PDK4: variants seen among roughly 807,000 people sequenced by gnomAD.
PDK4 encodes pyruvate dehydrogenase kinase 4.
Under a neutral mutation model 51.7 loss-of-function variants are expected in PDK4, and 43 were observed. That is an observed-to-expected ratio of 0.83 (90% CI 0.65 to 1.07). The LOEUF (loss-of-function observed/expected upper bound fraction) is 1.07, where lower values mean the gene tolerates loss of function less well. PDK4 is among the 50% of genes least tolerant of loss of function. PDK4 has a pLI of 0.00. For synonymous variants in PDK4, 170 were observed against 176.6 expected, an observed-to-expected ratio of 0.96 and a Z score of 0.30; for missense variants, 498 against 503.5, an observed-to-expected ratio of 0.99 and a Z score of 0.10.
intron 3 of PDK4, 95 bp downstream of exon 3, chr7:95,593,604 A>G: frequency 1.6e-6 from 1 of 642,638 alleles, no homozygotes; most frequent in Non-Finnish European, 2.8e-6. Context: ...TATTATTCAG[A>G]GCTGAATTCC....
intron 10 of PDK4, 114 bp downstream of exon 10, chr7:95,586,896 G>A: frequency 3.2e-6 from 2 of 626,132 alleles, no homozygotes; most frequent in Non-Finnish European, 5.8e-6. Flanking sequence ...ATGACCTGTA[G>A]TCATTATTTG....
Position 95,593,777 on chromosome 7 carries a change from A to G in PDK4, c.273-7T>C. Reference sequence around the variant, plus strand: ...CATCAGGCTCTGTATATACCTGTAAAGAAACAGGTATGCTTTAAGTTTTAA... The same window carrying G: ...CATCAGGCTCTGTATATACCTGTAAGGAAACAGGTATGCTTTAAGTTTTAA... On this transcript the variant is annotated splice_region_variant and splice_polypyrimidine_tract_variant and intron_variant, in intron 2 of 10. Transcript: ENST00000005178. 1 of 1,370,208 alleles carries G rather than the reference A, an allele frequency of 7.3e-7. No homozygotes were observed. Among genetic ancestry groups the G allele is most frequent in the Non-Finnish European group, 1.0e-6 (1 of 968,770 alleles). 84.9% of individuals were successfully genotyped at this position (1,370,208 alleles called of 1,614,324 possible).
At chr7:95,585,889 C>T (rs1458884594) in intron 10 of PDK4, 108 bp from the exon 11 acceptor site, 1 of 892,628 alleles carries the variant, frequency 1.1e-6, no homozygotes. Context: ...TCCAAACATT[C>T]AAATACATTC....
Position 95,592,862 on chromosome 7 carries a change from C to T in PDK4, c.427G>A (p.Asp143Asn), listed in dbSNP as rs1395597514. Residue 143 changes from aspartate to asparagine, a missense_variant, in exon 4 of 11, where the codon GAT (aspartate) becomes AAT (asparagine). Asp to Asn is a conservative substitution (Grantham distance 23). Coordinates refer to ENST00000005178, the MANE Select transcript of PDK4 (RefSeq NM_002612.4). ...GTGACTGGGTCAACTGTACAGGCAT[C>T]TTTATACTCTATGATTCCTTGTGCC... ...TMAQGIIEYK[D>N]ACTVDPVTNQ... is the part of the protein sequence containing the mutation. 6.2e-7 allele frequency: 1 copy of T among 1,611,946 alleles called. No homozygotes were observed. The highest frequency in any genetic ancestry group is 8.5e-7 in the Non-Finnish European group (1 of 1,178,286).
chr7:95,592,739 G>T (rs547433830), intron 4 of PDK4, 21 bp downstream of exon 4: 44 of 1,588,776 alleles, frequency 2.8e-5, no homozygotes, highest in Non-Finnish European at 3.5e-5. Context: ...TATATACCAT[G>T]ATCATGATGA....
At chr7:95,591,763 T>C (rs1791555024) in intron 6 of PDK4, among the ~76,000 whole-genome samples, 1 of 152,212 alleles carries the variant, frequency 6.6e-6, no homozygotes, top group African/African-American at 2.4e-5. Context: ...ATATTATTTG[T>C]TCAAAACATT....
At chr7:95,594,391 T>C (rs1043313558) in intron 2 of PDK4, among the ~76,000 whole-genome samples, 1 of 152,136 alleles carries the variant, frequency 6.6e-6, no homozygotes, top group Non-Finnish European at 1.5e-5. Flanking sequence ...AACTGACACT[T>C]ACTGACTGCT....
Position 95,585,781 on chromosome 7 carries a change from C to T in PDK4, c.1096G>A (p.Ala366Thr). Residue 366 changes from alanine (A) to threonine (T), a missense_variant and splice_region_variant, in exon 11 of 11, where the codon GCT becomes ACT. Ala to Thr is a moderately conservative substitution (Grantham distance 58). Transcript: ENST00000005178. ...TTTTCTATAGACTCAGAAGACAAAG[C>T]CTAAAAGAAAAGGGGGGAAAAACAT... ...YGTDAIIYLK[A>T]LSSESIEKLP... is the part of the protein sequence containing the mutation. The T allele has an allele frequency of 6.4e-7, 1 of 1,573,466 alleles. No individual in the cohort carries two copies. The highest frequency in any genetic ancestry group is 1.2e-5 in the South Asian group (1 of 86,146).
chr7:95,596,289 T>C lies in PDK4; in HGVS notation c.5A>G (p.Lys2Arg). M[K>R]AARFVLRSAG... is the part of the protein sequence containing the mutation. Reference sequence around the variant, plus strand: ...GCTGCGCAGCACGAAGCGGGCCGCCTTCATCTTGACGCCCACCCGGCCTGG... The same window carrying C: ...GCTGCGCAGCACGAAGCGGGCCGCCCTCATCTTGACGCCCACCCGGCCTGG... Residue 2 changes from lysine to arginine, a missense_variant, in exon 1 of 11, where the codon AAG (lysine) becomes AGG (arginine). Physicochemically the swap from Lys to Arg is conservative, Grantham distance 26 (BLOSUM62 2). Transcript: ENST00000005178. 6.4e-7 allele frequency: 1 copy of C among 1,572,036 alleles called. No homozygotes were observed.
Position 95,585,605 on chromosome 7 carries a change from C to A in PDK4, c.*36G>T. ...TCAGGAAGCAGCACTGGTGTAGACC[C>A]ACTTTGATCCCGTAAAGTGTCCTGA... On this transcript the variant is annotated 3_prime_UTR_variant, in exon 11 of 11. Transcript: ENST00000005178. The A allele has an allele frequency of 6.4e-7, 1 of 1,571,532 alleles. No individual in the cohort carries two copies. Among genetic ancestry groups the A allele is most frequent in the Non-Finnish European group, 8.7e-7 (1 of 1,150,210 alleles).
intron 3 of PDK4, 121 bp from the exon 4 acceptor site, chr7:95,593,065 A>G (rs887109934): frequency 3.6e-6 from 2 of 548,700 alleles, no homozygotes; most frequent in African/African-American, 1.9e-5. Context: ...AAATCAAATG[A>G]TAAAACATTA....
intron 2 of PDK4, 98 bp from the exon 3 acceptor site, chr7:95,593,868 G>A: frequency 1.9e-6 from 1 of 520,532 alleles, no homozygotes; most frequent in South Asian, 3.5e-5. Context: ...AAAAGAGAAA[G>A]TAAGCATTAT....
At chr7:95,590,717 A>G (rs538126519) in intron 6 of PDK4, among the ~76,000 whole-genome samples, 3 of 152,242 alleles carry the variant, frequency 2.0e-5, no homozygotes, top group Non-Finnish European at 4.4e-5. Context: ...AACTGTCACC[A>G]TAAACAAAAA....
In PDK4 at chr7:95,585,500, T is replaced by A. The variant is rs1284422827; in HGVS notation, c.*141A>T. 4.6e-6 allele frequency: 3 copies of A among 650,384 alleles called. No individual in the cohort carries two copies. In the African/African-American group the frequency reaches 5.4e-5, roughly 12 times the overall value. 40.3% of individuals were successfully genotyped at this position (650,384 alleles called of 1,614,324 possible). A position where few individuals can be genotyped will look rare whatever the true frequency, so the allele number is the denominator to read the frequency against. ...GGGTCACAGAAACAAGCTCCATTCC[T>A]CATTGGATCAGTGTTCTGATTAAGG... On this transcript the variant is annotated 3_prime_UTR_variant, in exon 11 of 11. Transcript: ENST00000005178.
intron 9 of PDK4, 106 bp from the exon 10 acceptor site, chr7:95,587,229 T>A: frequency 1.3e-6 from 1 of 742,520 alleles, no homozygotes; most frequent in Non-Finnish European, 2.3e-6. Flanking sequence ...AGAACCTAAA[T>A]AAATATCTTC....
In PDK4 at chr7:95,587,469, T is replaced by G. The variant is rs148379762; in HGVS notation, c.930A>C (p.Thr310=). ...LRIIDRLFSY[T]YSTAPTPVMD... ...TCACAGGCGTTGGTGCAGTGGAGTA[T>G]GTATAACTAAAGAGGCGGTCAATAA... Residue 310 remains threonine, a synonymous_variant, in exon 9 of 11, where the codon ACA becomes ACC. Transcript: ENST00000005178. 6.2e-7 allele frequency: 1 copy of G among 1,612,082 alleles called. No individual in the cohort carries two copies. Among genetic ancestry groups the G allele is most frequent in the East Asian group, 2.2e-5 (1 of 44,880 alleles).
chr7:95,595,549 G>C (rs574759565), intron 1 of PDK4, among the ~76,000 whole-genome samples: 1 of 152,130 alleles, frequency 6.6e-6, no homozygotes, highest in African/African-American at 2.4e-5. Context: ...GGAGTTGGGG[G>C]ATAAGAGGCT....
chr7:95,593,644 A>G, intron 3 of PDK4, 55 bp downstream of exon 3: 1 of 816,222 alleles, frequency 1.2e-6, no homozygotes, highest in Non-Finnish European at 2.1e-6. Flanking sequence ...TATCTTAGGA[A>G]TCTATCTGGA....
chr7:95,590,871 G>T (rs1286181712), intron 6 of PDK4, among the ~76,000 whole-genome samples: 1 of 152,142 alleles, frequency 6.6e-6, no homozygotes, highest in Non-Finnish European at 1.5e-5. Flanking sequence ...AGTGCCTTTC[G>T]TTCATCATGT....
Sources: gnomAD v4.1 joint callset for allele counts (sites outside exome capture counted in the v4.1 genomes callset) on GRCh38, gnomAD v4.1.1 for gene constraint, MANE v1.5 for transcripts, NCBI Gene and HGNC (gene_info 2026-07-23, HGNC 2026-07-21) for gene names.